Variants in TRIM67 observed in about 807,000 individuals in gnomAD.
The protein encoded by TRIM67 is tripartite motif containing 67.
TRIM67 carries 39 observed loss-of-function variants against 71.0 expected under a neutral mutation model. The ratio of observed to expected loss-of-function variants is 0.55; its 90% CI spans 0.43 to 0.72. The LOEUF (loss-of-function observed/expected upper bound fraction) is 0.72, where lower values mean the gene tolerates loss of function less well. TRIM67 is among the 30% of genes least tolerant of loss of function. The pLI is 0.00. For missense variants in TRIM67, 973 were observed against 1,079.2 expected (o/e 0.90, Z 1.38); for synonymous variants, 481 against 473.9 (o/e 1.01, Z -0.19).
At chr1:231,188,897 G>T (rs975969917) in intron 1 of TRIM67, among the ~76,000 whole-genome samples, 1 of 152,152 alleles carries the variant, frequency 6.6e-6, no homozygotes, top group African/African-American at 2.4e-5. Flanking sequence ...GACTGGGTTC[G>T]GGCAGTCAGA....
At chr1:231,202,744 G>A (rs151145548) in intron 5 of TRIM67, among the ~76,000 whole-genome samples, 195 of 152,328 alleles carry the variant, frequency 1.3e-3, no homozygotes, top group African/African-American at 4.6e-3. Flanking sequence ...TGCACCTCCA[G>A]GAAGGTCTGG....
At chr1:231,212,453 G>A (rs1468378296) in intron 8 of TRIM67, among the ~76,000 whole-genome samples, 1 of 152,198 alleles carries the variant, frequency 6.6e-6, no homozygotes, top group Non-Finnish European at 1.5e-5. Context: ...AGCCTTTAGT[G>A]TCTTGTAAAT....
intron 1 of TRIM67, among the ~76,000 whole-genome samples, chr1:231,175,873 C>T (rs961355090): frequency 4.6e-5 from 7 of 152,168 alleles, no homozygotes; most frequent in African/African-American, 1.4e-4. Flanking sequence ...GGTAACTTCC[C>T]GAGGCTCCTC....
chr1:231,205,407 G>A (rs1683667157), intron 6 of TRIM67, among the ~76,000 whole-genome samples: 1 of 152,186 alleles, frequency 6.6e-6, no homozygotes, highest in Non-Finnish European at 1.5e-5. Flanking sequence ...TGAAGCTAAT[G>A]GAGAACAAGA....
At chr1:231,179,215 T>A (rs1682836145) in intron 1 of TRIM67, among the ~76,000 whole-genome samples, 1 of 152,258 alleles carries the variant, frequency 6.6e-6, no homozygotes, top group Admixed American at 6.5e-5. Context: ...CTGTCCCAGC[T>A]TGTGGTGGCT....
Position 231,187,683 on chromosome 1 carries a change from G to A in TRIM67, c.1045-9688G>A, listed in dbSNP as rs1571883586. The A allele has an allele frequency of 3.7e-5, 36 of 985,944 alleles. No homozygotes were observed. The South Asian group carries it at 5.8e-4, about 16-fold the overall frequency. 61.1% of individuals were successfully genotyped at this position (985,944 alleles called of 1,614,324 possible). ...CCAAGTGGGGCATCAAACTGCAGGA[G>A]GCGGAGTGGGAGAGGCGGGGTGGGA... On this transcript the variant is annotated intron_variant, in intron 1 of 9. Coordinates refer to ENST00000366653, the MANE Select transcript of TRIM67 (RefSeq NM_001004342.5).
Position 231,201,470 on chromosome 1 carries a change from T to C in TRIM67, c.1487T>C (p.Leu496Pro). The change falls in exon 5 of 10, where the codon CTG becomes CCG. Residue 496 changes from leucine (L) to proline (P), a missense_variant. Physicochemically the swap from Leu to Pro is moderately conservative, Grantham distance 98. Coordinates refer to ENST00000366653, the MANE Select transcript of TRIM67 (RefSeq NM_001004342.5). ...GATCTGACTTTGGACAGCGAGCCGC[T>C]GCTGCAGGCCATCCACCAGCTGGAC... is the stretch of plus-strand genomic sequence containing the variant. The part of the protein sequence containing the change: ...EFDLTLDSEP[L>P]LQAIHQLDFI... 1.9e-6 allele frequency: 3 copies of C among 1,613,938 alleles called. No homozygotes were observed. The highest frequency in any genetic ancestry group is 2.5e-6 in the Non-Finnish European group (3 of 1,179,882).
intron 6 of TRIM67, 103 bp from the exon 7 acceptor site, chr1:231,206,549 T>A: frequency 1.6e-6 from 2 of 1,256,212 alleles, no homozygotes; most frequent in Non-Finnish European, 2.1e-6. Context: ...GGACTACACC[T>A]GGCAACAGCA....
intron 1 of TRIM67, among the ~76,000 whole-genome samples, chr1:231,197,034 G>T (rs956565822): frequency 6.6e-6 from 1 of 152,184 alleles, no homozygotes; most frequent in Non-Finnish European, 1.5e-5. Context: ...GGATAGAGGG[G>T]GCCAGGCCAA....
intron 1 of TRIM67, among the ~76,000 whole-genome samples, chr1:231,191,943 A>G (rs766355912): frequency 3.9e-5 from 6 of 152,080 alleles, no homozygotes; most frequent in Admixed American, 3.9e-4. Flanking sequence ...ACTCTGCTCA[A>G]GGCAGAGATC....
chr1:231,190,492 C>T lies in TRIM67; in HGVS notation c.1045-6879C>T, dbSNP rs145715032. Among the ~76,000 whole-genome samples, 19 of 152,308 alleles carry T rather than the reference C, an allele frequency of 1.2e-4. No individual in the cohort carries two copies. The East Asian group carries it at 3.5e-3, about 28-fold the overall frequency. On this transcript the variant is annotated intron_variant, in intron 1 of 9. Transcript: ENST00000366653. ...AGAGGCTGCCTGGATCAACCCCTGG[C>T]TCCTAGTTCTTCTACCAATGACCCC...
intron 9 of TRIM67, among the ~76,000 whole-genome samples, chr1:231,214,498 C>T (rs1484213662): frequency 3.3e-5 from 5 of 152,116 alleles, no homozygotes; most frequent in African/African-American, 4.8e-5. Flanking sequence ...GGCTTATGGC[C>T]GGGCGCGGTG....
In TRIM67 at chr1:231,218,949, T is replaced by C; in HGVS notation, c.*3509T>C. ...AGAATGCAGGATCTTTGTGTATTTC[T>C]TCCAGGGATATTTGCATTTAAGCCT... On this transcript the variant is annotated 3_prime_UTR_variant, in exon 10 of 10. Transcript: ENST00000366653. 1.0e-6 allele frequency: 1 copy of C among 985,490 alleles called. No individual in the cohort carries two copies. The highest frequency in any genetic ancestry group is 4.7e-5 in the South Asian group (1 of 21,292). The allele number at this position is 985,490 out of a possible 1,614,324, so 61.0% of individuals were successfully genotyped here. A position where few individuals can be genotyped will look rare whatever the true frequency, so the allele number is the denominator to read the frequency against.
chr1:231,170,894 T>G (rs1020253511), intron 1 of TRIM67, among the ~76,000 whole-genome samples: 6 of 152,204 alleles, frequency 3.9e-5, no homozygotes, highest in Non-Finnish European at 7.3e-5. Context: ...ATTGCAGCCT[T>G]GTTGGTCGCA....
chr1:231,199,048 A>G lies in TRIM67; in HGVS notation c.1142A>G (p.Glu381Gly). ...CAACCAACCCCCAACCTCTGCCAGG[A>G]AAACGGACTGGACTACGAAGCCTGC... ...QLKNILQQIQ[E>G]NGLDYEACLV... Residue 381 changes from glutamate to glycine, a missense_variant and splice_region_variant, in exon 3 of 10, where the codon GAA becomes GGA. By Grantham distance (98) the Glu-to-Gly change is moderately conservative (BLOSUM62 -2). Around this residue, in one of 2 missense-constraint regions of TRIM67, gnomAD observed 795 missense variants for 831.3 expected, o/e 0.96. Transcript: ENST00000366653. 1 of 1,613,958 alleles carries G rather than the reference A, an allele frequency of 6.2e-7. No homozygotes were observed. The highest frequency in any genetic ancestry group is 8.5e-7 in the Non-Finnish European group (1 of 1,179,846).
At chr1:231,213,369 A>C (rs1302325273) in intron 8 of TRIM67, among the ~76,000 whole-genome samples, 2 of 152,204 alleles carry the variant, frequency 1.3e-5, no homozygotes, top group African/African-American at 4.8e-5. Context: ...TCATGTGCCC[A>C]GGAGAGCACC....
At chr1:231,181,715 G>A (rs1682911691) in intron 1 of TRIM67, among the ~76,000 whole-genome samples, 1 of 151,644 alleles carries the variant, frequency 6.6e-6, no homozygotes, top group Non-Finnish European at 1.5e-5. Flanking sequence ...TTTTTTGCTT[G>A]ACTCCCTGAG....
In TRIM67 at chr1:231,163,004, C is replaced by T; in HGVS notation, c.35C>T (p.Ser12Phe). Residue 12 changes from serine (S) to phenylalanine (F), a missense_variant, in exon 1 of 10, where the codon TCT becomes TTT. Ser to Phe is a radical substitution (Grantham distance 155). This residue lies in a region of TRIM67 where 795 missense variants were observed against 831.3 expected (regional missense o/e 0.96). Coordinates refer to ENST00000366653, the MANE Select transcript of TRIM67 (RefSeq NM_001004342.5). The part of the protein sequence containing the change: ...EEELKCPVCG[S>F]LFREPIILPC... ...GAGCTGAAGTGTCCCGTGTGCGGCT[C>T]TCTGTTTCGGGAGCCTATCATCCTG... 1 of 1,612,844 alleles carries T rather than the reference C, an allele frequency of 6.2e-7. No individual in the cohort carries two copies. The highest frequency in any genetic ancestry group is 8.5e-7 in the Non-Finnish European group (1 of 1,179,440).
rs1454505764 is a variant in TRIM67 at position 231,215,372 on chromosome 1, C to T, written c.2287-3C>T. ...CCCTCACTTGCCCTGTCTTCTTTTC[C>T]AGGTCACCCTGCACACAGGATTGGA... On this transcript the variant is annotated splice_polypyrimidine_tract_variant and splice_region_variant and intron_variant, in intron 9 of 9. Transcript: ENST00000366653. 6.2e-7 allele frequency: 1 copy of T among 1,612,392 alleles called. No individual in the cohort carries two copies. The highest frequency in any genetic ancestry group is 1.7e-4 in the Middle Eastern group (1 of 5,964).
Sources: allele counts gnomAD v4.1 joint callset (sites outside exome capture counted in the v4.1 genomes callset), GRCh38; gene constraint gnomAD v4.1.1; regional missense constraint gnomAD v4.1.1; transcripts MANE v1.5; gene names NCBI Gene and HGNC (gene_info 2026-07-23, HGNC 2026-07-21).